Variants in CYP24A1 observed in about 807,000 individuals in gnomAD.
The protein encoded by CYP24A1 is 1,25-dihydroxyvitamin D(3) 24-hydroxylase, mitochondrial.
A neutral mutation model predicts 62.4 loss-of-function variants in CYP24A1; 68 were observed. That is an observed-to-expected ratio of 1.09 (90% CI 0.90 to 1.33). CYP24A1 has a LOEUF of 1.33. Ranked by LOEUF, CYP24A1 falls within the 40% of genes most tolerant of loss-of-function variation. The probability of loss-of-function intolerance (pLI) is 0.00; values close to 1 mark genes in which losing one functional copy is unlikely to be tolerated. For missense variants in CYP24A1, 787 were observed against 653.0 expected (o/e 1.21, Z -2.24); for synonymous variants, 267 against 253.0 (o/e 1.06, Z -0.52).
At chr20:54,171,446 G>C (rs2092693456) in intron 3 of CYP24A1, 131 bp downstream of exon 3, 11 of 1,571,540 alleles carry the variant, frequency 7.0e-6, no homozygotes. Context: ...TGGAGAGAAA[G>C]AGAAGACCCC....
At chr20:54,157,117 C>A in intron 11 of CYP24A1, 52 bp downstream of exon 11, 1 of 882,488 alleles carries the variant, frequency 1.1e-6, no homozygotes, top group South Asian at 1.4e-5. Flanking sequence ...ATAGCTCATC[C>A]CTCGTCATTC....
intron 5 of CYP24A1, among the ~76,000 whole-genome samples, chr20:54,165,411 A>C (rs2762940): frequency 0.21 from 32,261 of 152,146 alleles, 3,973 homozygotes; most frequent in South Asian, 0.34. Flanking sequence ...CACTGATTCT[A>C]CATTATGGTG....
intron 4 of CYP24A1, among the ~76,000 whole-genome samples, chr20:54,169,329 G>A (rs771911158): frequency 1.7e-4 from 26 of 152,182 alleles, no homozygotes; most frequent in Non-Finnish European, 3.4e-4. Context: ...CAGGGGTTAT[G>A]CGTTTCATTC....
intron 6 of CYP24A1, 112 bp from the exon 7 acceptor site, chr20:54,162,974 A>G (rs1172842077): frequency 5.3e-6 from 4 of 749,302 alleles, no homozygotes; most frequent in African/African-American, 5.2e-5. Flanking sequence ...TAGTCTTTTC[A>G]GGAACACTGA....
At chr20:54,167,799 A>G (rs2092677512) in intron 4 of CYP24A1, among the ~76,000 whole-genome samples, 1 of 152,018 alleles carries the variant, frequency 6.6e-6, no homozygotes, top group African/African-American at 2.4e-5. Flanking sequence ...AGTTACTTAT[A>G]TTTATCTATT....
Position 54,157,504 on chromosome 20 carries a change from A to C in CYP24A1, c.1318T>G (p.Trp440Gly). 6.3e-7 allele frequency: 1 copy of C among 1,597,052 alleles called. No homozygotes were observed. Among genetic ancestry groups the C allele is most frequent in the Non-Finnish European group, 8.6e-7 (1 of 1,164,422 alleles). The change falls in exon 10 of 12, where the codon TGG becomes GGG. Residue 440 changes from tryptophan to glycine, a missense_variant. By Grantham distance (184) the Trp-to-Gly change is radical. Coordinates refer to ENST00000216862, the MANE Select transcript of CYP24A1 (RefSeq NM_000782.5). ...TTAATTTTTTCCTTCTCCTGAAGCC[A>C]ACGTTCAGGTCTAAACTGACTTGAA... ...EDSSQFRPER[W>G]LQEKEKINPF...
Position 54,153,677 on chromosome 20 carries a change from G to C in CYP24A1, c.*1095C>G, listed in dbSNP as rs886056780. The stretch of plus-strand genomic sequence containing the variant: ...TATCAAATACACAGAATTATATACA[G>C]TATGCATTTAGGAAAAGCAGTAGTA... On this transcript the variant is annotated 3_prime_UTR_variant, in exon 12 of 12. Coordinates refer to ENST00000216862, the MANE Select transcript of CYP24A1 (RefSeq NM_000782.5). 2 of 152,562 alleles carry C rather than the reference G, an allele frequency of 1.3e-5. No individual in the cohort carries two copies. Among genetic ancestry groups the C allele is most frequent in the Non-Finnish European group, 2.9e-5 (2 of 68,030 alleles). 9.5% of individuals were successfully genotyped at this position (152,562 alleles called of 1,614,324 possible). A position where few individuals can be genotyped will look rare whatever the true frequency, so the allele number is the denominator to read the frequency against.
the CYP24A1 span, among the ~76,000 whole-genome samples, chr20:54,146,442 G>A: frequency 0.46 from 69,170 of 151,958 alleles, 17,193 homozygotes; most frequent in East Asian, 0.68. Context: ...CCGGTCTCCA[G>A]TAGATTTCAC....
At chr20:54,157,780 A>G (rs2146465004) in intron 9 of CYP24A1, among the ~76,000 whole-genome samples, 195 bp from the exon 10 acceptor site, 1 of 152,316 alleles carries the variant, frequency 6.6e-6, no homozygotes, top group Non-Finnish European at 1.5e-5. Context: ...ATTGTGCACC[A>G]TACTCACAAC....
chr20:54,173,279 CG>C lies in CYP24A1; in HGVS notation c.258+42del, dbSNP rs1320026613. On this transcript the variant is annotated intron_variant, in intron 1 of 11. Transcript: ENST00000216862. This position sits in a 1 kb window ranked among gnomAD's most constrained non-coding sequence, Gnocchi z 7.2. ...AGGGTTTGGAGCGCCACTGGGAGGG[CG>C]GAAGAGGGAGGAGAGAGTCAGGGGC... 12 of 1,581,084 alleles carry C rather than the reference CG, an allele frequency of 7.6e-6. No homozygotes were observed. The highest frequency in any genetic ancestry group is 1.0e-5 in the Non-Finnish European group (12 of 1,152,792).
chr20:54,164,378 A>G (rs1272796572), intron 6 of CYP24A1, 74 bp downstream of exon 6: 1 of 1,612,006 alleles, frequency 6.2e-7, no homozygotes, highest in Non-Finnish European at 8.5e-7. Context: ...AGATCACTCC[A>G]GACCTCCTCT....
At chr20:54,167,565 A>G (rs1487579266) in intron 4 of CYP24A1, among the ~76,000 whole-genome samples, 1 of 152,184 alleles carries the variant, frequency 6.6e-6, no homozygotes, top group Non-Finnish European at 1.5e-5. Context: ...TGAGGTCAGC[A>G]GTTCGAGACC....
In CYP24A1 at chr20:54,168,051, C is replaced by T. The variant is rs188951690; in HGVS notation, c.640+1541G>A. ...GTTACAGGATATGCTTGTCATTCCGCACTTCTTCTGCAGGGACACTCTCCT... is the reference window on the plus strand; with the variant it reads ...GTTACAGGATATGCTTGTCATTCCGTACTTCTTCTGCAGGGACACTCTCCT... On this transcript the variant is annotated intron_variant, in intron 4 of 11. Coordinates refer to ENST00000216862, the MANE Select transcript of CYP24A1 (RefSeq NM_000782.5). 2.5e-3 allele frequency among the ~76,000 whole-genome samples: 378 copies of T among 152,296 alleles called. 3 individuals are homozygous for T. The highest frequency in any genetic ancestry group is 8.7e-3 in the African/African-American group (361 of 41,558).
intron 3 of CYP24A1, among the ~76,000 whole-genome samples, chr20:54,171,099 T>C (rs544600595): frequency 1.3e-5 from 2 of 152,266 alleles, no homozygotes; most frequent in Non-Finnish European, 2.9e-5. Context: ...CTTAATGCCT[T>C]CCCCCACTTT....
At chr20:54,165,301 C>T (rs2092667557) in intron 5 of CYP24A1, among the ~76,000 whole-genome samples, 1 of 152,226 alleles carries the variant, frequency 6.6e-6, no homozygotes, top group Non-Finnish European at 1.5e-5. Flanking sequence ...AATCTATGTT[C>T]CACACTCCTT....
intron 4 of CYP24A1, among the ~76,000 whole-genome samples, chr20:54,169,346 A>G (rs775275579): frequency 1.3e-5 from 2 of 152,194 alleles, no homozygotes; most frequent in Non-Finnish European, 2.9e-5. Context: ...ATTCATTGTC[A>G]TATCCCTAGT....
chr20:54,172,815 C>T (rs947352997), intron 2 of CYP24A1, 94 bp downstream of exon 2: 40 of 1,597,844 alleles, frequency 2.5e-5, no homozygotes, highest in Non-Finnish European at 3.3e-5. Flanking sequence ...GCTTCCAACC[C>T]CAGGGAACTC....
rs1288564091 is a variant in CYP24A1 at position 54,162,713 on chromosome 20, T to C, written c.990+4A>G. On this transcript the variant is annotated splice_donor_region_variant and intron_variant, in intron 7 of 11. Coordinates refer to ENST00000216862, the MANE Select transcript of CYP24A1 (RefSeq NM_000782.5). The stretch of plus-strand genomic sequence containing the variant: ...TAGCAAACTCAAATCCAGCCCACCC[T>C]TACCGTTTCCACCGCAGCCAGCTGG... 1 of 1,589,968 alleles carries C rather than the reference T, an allele frequency of 6.3e-7. No homozygotes were observed. Among genetic ancestry groups the C allele is most frequent in the Admixed American group, 1.7e-5 (1 of 59,958 alleles).
chr20:54,171,452 A>G (rs1465371933), intron 3 of CYP24A1, 125 bp downstream of exon 3: 5 of 1,575,754 alleles, frequency 3.2e-6, no homozygotes, highest in Non-Finnish European at 4.3e-6. Context: ...GAAAGAGAAG[A>G]CCCCCACTTT....
Sources: gnomAD v4.1 joint callset for allele counts (sites outside exome capture counted in the v4.1 genomes callset) on GRCh38, gnomAD v4.1.1 for gene constraint, Gnocchi (gnomAD v3.1) non-coding constraint, MANE v1.5 for transcripts, NCBI Gene and HGNC (gene_info 2026-07-23, HGNC 2026-07-21) for gene names.